The following TJP1 variants were observed in gnomAD, a reference collection of about 807,000 sequenced individuals.
TJP1 encodes tight junction protein 1.
In TJP1, 43 loss-of-function variants were observed where a neutral mutation model predicts 194.2. The observed-to-expected ratio is 0.22, with a 90% CI of 0.17 to 0.29. TJP1 has a LOEUF of 0.29. Among genes scored for constraint, TJP1 ranks in the 10% least tolerant of loss-of-function variants. TJP1 has a pLI of 1.00. For missense variants in TJP1, 1,971 were observed against 2,185.7 expected (o/e 0.90, Z 1.96); for synonymous variants, 801 against 779.0 (o/e 1.03, Z -0.47).
At chr15:29,843,558 T>C (rs1273995070) in intron 2 of TJP1, among the ~76,000 whole-genome samples, 1 of 152,198 alleles carries the variant, frequency 6.6e-6, no homozygotes, top group African/African-American at 2.4e-5. Context: ...AAGAAAGTTA[T>C]CTTCTAGACC....
At chr15:29,834,424 T>A (rs1255204697) in intron 2 of TJP1, among the ~76,000 whole-genome samples, 1 of 152,042 alleles carries the variant, frequency 6.6e-6, no homozygotes, top group Admixed American at 6.5e-5. Flanking sequence ...TTCACCATCG[T>A]GGCCAGGCTG....
intron 1 of TJP1, among the ~76,000 whole-genome samples, chr15:29,806,778 T>C (rs2049137467): frequency 6.6e-6 from 1 of 152,124 alleles, no homozygotes. Flanking sequence ...GCAACACAAA[T>C]GAAGTACAAA....
intron 8 of TJP1, 116 bp downstream of exon 8, chr15:29,761,023 T>C: frequency 7.9e-7 from 1 of 1,259,644 alleles, no homozygotes; most frequent in South Asian, 1.8e-5. Context: ...GAAAAACAGA[T>C]CTAATCTTGA....
intron 2 of TJP1, among the ~76,000 whole-genome samples, chr15:29,785,363 A>G (rs2047635742): frequency 6.6e-6 from 1 of 152,158 alleles, no homozygotes; most frequent in Non-Finnish European, 1.5e-5. Flanking sequence ...ATTCCTTTAC[A>G]TATAATTATG....
At chr15:29,898,971 C>T (rs1327667022) in intron 2 of TJP1, among the ~76,000 whole-genome samples, 1 of 152,030 alleles carries the variant, frequency 6.6e-6, no homozygotes, top group Admixed American at 6.5e-5. Context: ...TCCGTTTCAG[C>T]TAATATGGAT....
In TJP1 at chr15:29,919,773, C is replaced by T. The variant is rs563269152; in HGVS notation, c.306+36459G>A. Among the ~76,000 whole-genome samples the T allele has an allele frequency of 4.3e-4, 65 of 152,302 alleles. No homozygotes were observed. In the South Asian group the frequency reaches 0.011, roughly 25 times the overall value. On this transcript the variant is annotated intron_variant, in intron 2 of 28. Coordinates refer to the TJP1 transcript ENST00000356107. Reference sequence around the variant, plus strand: ...CCAATGGACAAGATTTTCTCTTGCTCCCAGCCTGTTCATTTCTTCTGGACC... The same window carrying T: ...CCAATGGACAAGATTTTCTCTTGCTTCCAGCCTGTTCATTTCTTCTGGACC...
intron 2 of TJP1, among the ~76,000 whole-genome samples, chr15:29,834,226 AT>A (rs879783769): frequency 7.1e-3 from 878 of 123,696 alleles, no homozygotes; most frequent in Middle Eastern, 0.018. Context: ...GTAAATAGGG[AT>A]TTTTTTTTTT....
At chr15:29,743,837 G>T (rs1266753201) in intron 8 of TJP1, among the ~76,000 whole-genome samples, 1 of 152,154 alleles carries the variant, frequency 6.6e-6, no homozygotes, top group Non-Finnish European at 1.5e-5. Flanking sequence ...TAATAAATAT[G>T]CAAACACATT....
In TJP1 at chr15:29,720,581, T is replaced by C. The variant is rs1417574836; in HGVS notation, c.2540A>G (p.Asp847Gly). The C allele has an allele frequency of 6.2e-7, 1 of 1,614,070 alleles. No homozygotes were observed. The highest frequency in any genetic ancestry group is 8.5e-7 in the Non-Finnish European group (1 of 1,180,036). Reference sequence around the variant, plus strand: ...ATCAGTGTAGGCCCCGCCTTCTGTGTCTGTGTCTTCATAGTCAGAAGTGTG... The same window carrying C: ...ATCAGTGTAGGCCCCGCCTTCTGTGCCTGTGTCTTCATAGTCAGAAGTGTG... ...SRHTSDYEDTDTEGGAYTDQE... is the reference protein window; with the variant it reads ...SRHTSDYEDTGTEGGAYTDQE... Residue 847 changes from aspartate to glycine, a missense_variant, in exon 19 of 28, where the codon GAC (aspartate) becomes GGC (glycine). Transcript: ENST00000614355.
In TJP1 at chr15:29,742,702, G is replaced by T. The variant is rs757571394; in HGVS notation, c.1090C>A (p.Pro364Thr). The T allele has an allele frequency of 6.2e-7, 1 of 1,604,482 alleles. No homozygotes were observed. Among genetic ancestry groups the T allele is most frequent in the Non-Finnish European group, 8.5e-7 (1 of 1,176,070 alleles). Residue 364 changes from proline to threonine, a missense_variant, in exon 9 of 28, where the codon CCT becomes ACT. This residue lies in a region of TJP1 where 192 missense variants were observed against 182.3 expected (regional missense o/e 1.05). Transcript: ENST00000614355. ...TPVKHADDHT[P>T]KTVEEVTVER... ...ACTGTAACTTCTTCCACTGTTTTAG[G>T]TGTGTGATCATCAGCATGCTTTACA...
intron 2 of TJP1, among the ~76,000 whole-genome samples, chr15:29,949,552 A>ACCACCACCACC (rs1567225362): frequency 3.8e-4 from 5 of 13,296 alleles, no homozygotes; most frequent in Non-Finnish European, 7.0e-4. Context: ...CCACCTCCAC[A>ACCACCACCACC]ACCACCACCT....
At chr15:29,891,511 C>T (rs1191225295) in intron 2 of TJP1, among the ~76,000 whole-genome samples, 1 of 152,198 alleles carries the variant, frequency 6.6e-6, no homozygotes, top group Non-Finnish European at 1.5e-5. Flanking sequence ...CAGATATTGA[C>T]TTTTTTATAA....
intron 2 of TJP1, among the ~76,000 whole-genome samples, chr15:29,862,026 A>G (rs1339336866): frequency 2.6e-5 from 4 of 152,120 alleles, no homozygotes. Flanking sequence ...TGTGTATAGT[A>G]TGAGGAAGGG....
chr15:29,751,713 C>A (rs1467860586), intron 8 of TJP1, among the ~76,000 whole-genome samples: 2 of 151,968 alleles, frequency 1.3e-5, no homozygotes, highest in Non-Finnish European at 2.9e-5. Flanking sequence ...TAGTGGGAGA[C>A]CAATGTCACA....
intron 5 of TJP1, among the ~76,000 whole-genome samples, chr15:29,765,045 A>G (rs1449422182): frequency 2.0e-5 from 3 of 152,230 alleles, no homozygotes; most frequent in South Asian, 4.1e-4. Context: ...CTTGCAAAAG[A>G]TACAGAAAGG....
chr15:29,755,394 T>C (rs1348737186), intron 8 of TJP1, among the ~76,000 whole-genome samples: 2 of 152,146 alleles, frequency 1.3e-5, no homozygotes, highest in Admixed American at 6.6e-5. Flanking sequence ...TAATATGGAG[T>C]GGATTGTATA....
upstream of TJP1, among the ~76,000 whole-genome samples, chr15:29,826,912 G>A (rs1312921750): frequency 6.6e-6 from 1 of 152,104 alleles, no homozygotes; most frequent in Non-Finnish European, 1.5e-5. Context: ...GCACACACTG[G>A]GGACTGGGGC....
At chr15:29,850,614 C>A (rs974890641) in intron 2 of TJP1, among the ~76,000 whole-genome samples, 3 of 151,982 alleles carry the variant, frequency 2.0e-5, no homozygotes, top group Middle Eastern at 3.2e-3. Flanking sequence ...GGATTACAGG[C>A]ATGAGCCACC....
At chr15:29,719,468 T>C (rs2042796192) in intron 20 of TJP1, among the ~76,000 whole-genome samples, 1 of 152,172 alleles carries the variant, frequency 6.6e-6, no homozygotes, top group African/African-American at 2.4e-5. Flanking sequence ...GGCATCATAA[T>C]TTGTATTAAC....
Sources: allele counts gnomAD v4.1 joint callset (sites outside exome capture counted in the v4.1 genomes callset), GRCh38; gene constraint gnomAD v4.1.1; regional missense constraint gnomAD v4.1.1; transcripts MANE v1.5; gene names NCBI Gene and HGNC (gene_info 2026-07-23, HGNC 2026-07-21).